The following ZFAT variants were observed in gnomAD, a reference collection of about 807,000 sequenced individuals.
ZFAT encodes zinc finger and AT-hook domain containing.
ZFAT carries 64 observed loss-of-function variants against 117.7 expected under a neutral mutation model. That is an observed-to-expected ratio of 0.54 (90% CI 0.44 to 0.67). The LOEUF (loss-of-function observed/expected upper bound fraction) is 0.67, where lower values mean the gene tolerates loss of function less well. Ranked by LOEUF, ZFAT falls within the 30% of genes least tolerant of loss-of-function variation. The pLI is 0.00. For missense variants in ZFAT, 1,433 were observed against 1,584.5 expected (o/e 0.90, Z 1.62); for synonymous variants, 679 against 615.0 (o/e 1.10, Z -1.54).
chr8:134,482,077 C>A (rs189095934), intron 15 of ZFAT, among the ~76,000 whole-genome samples: 3 of 152,318 alleles, frequency 2.0e-5, no homozygotes, highest in Non-Finnish European at 4.4e-5. Context: ...TGTTCCGCGC[C>A]CTCTCCCAGA....
At position 134,602,097 on chromosome 8, in the gene ZFAT, T is replaced by A. The variant is rs760675195; in HGVS notation, c.1622A>T (p.Gln541Leu). The A allele has an allele frequency of 6.2e-7, 1 of 1,612,068 alleles. No homozygotes were observed. Among genetic ancestry groups the A allele is most frequent in the Admixed American group, 1.7e-5 (1 of 59,816 alleles). The change falls in exon 6 of 16, where the codon CAG becomes CTG. Residue 541 changes from glutamine to leucine, a missense_variant. Coordinates refer to ENST00000377838, the MANE Select transcript of ZFAT (RefSeq NM_020863.4). ...LKEEACPGDT[Q>L]LEEGRKEPEA... ...CGGCTCCTTCCGGCCCTCCTCCAGC[T>A]GAGTGTCCCCAGGACAGGCCTCTTC...
upstream of ZFAT, among the ~76,000 whole-genome samples, chr8:134,713,754 T>C (rs1814130517): frequency 1.3e-5 from 2 of 152,120 alleles, 1 homozygote. Context: ...GCTCCAACAC[T>C]GTAGTCCTCG....
rs116164012 is a variant in ZFAT, at chr8:134,606,436, C to T, written c.785+2293G>A. Among the ~76,000 whole-genome samples the T allele has an allele frequency of 9.5e-3, 1,439 of 152,258 alleles. 20 individuals carry two copies. The highest frequency in any genetic ancestry group is 0.033 in the African/African-American group (1,377 of 41,546). On this transcript the variant is annotated intron_variant, in intron 5 of 15. Coordinates refer to ENST00000377838, the MANE Select transcript of ZFAT (RefSeq NM_020863.4). Reference sequence around the variant, plus strand: ...TGATTAAGTTTTAAAAAGTGACAGCCGGGCACAGTGGCTCACGCCTGTAAT... The same window carrying T: ...TGATTAAGTTTTAAAAAGTGACAGCTGGGCACAGTGGCTCACGCCTGTAAT...
chr8:134,624,195 C>A (rs1470086938), intron 3 of ZFAT, among the ~76,000 whole-genome samples: 1 of 151,870 alleles, frequency 6.6e-6, no homozygotes, highest in Non-Finnish European at 1.5e-5. Context: ...CACACACACA[C>A]ACACACACAC....
intron 1 of ZFAT, among the ~76,000 whole-genome samples, chr8:134,704,961 G>A (rs1476522359): frequency 6.7e-6 from 1 of 150,338 alleles, no homozygotes; most frequent in African/African-American, 2.4e-5. Context: ...CATTTCTTAA[G>A]AGAAGATACA....
intron 7 of ZFAT, among the ~76,000 whole-genome samples, 180 bp from the exon 8 acceptor site, chr8:134,590,535 G>T (rs974553575): frequency 7.0e-6 from 1 of 142,812 alleles, no homozygotes; most frequent in South Asian, 2.2e-4. Context: ...ACCACCACTA[G>T]CACTATCAAC....
the ZFAT span, among the ~76,000 whole-genome samples, chr8:134,752,054 T>G: frequency 6.6e-6 from 1 of 152,174 alleles, no homozygotes; most frequent in South Asian, 2.1e-4. Context: ...CTCTACCAAA[T>G]GAGGGGGTTA....
At chr8:134,672,758 C>T (rs933839093) in intron 1 of ZFAT, among the ~76,000 whole-genome samples, 14 of 152,236 alleles carry the variant, frequency 9.2e-5, no homozygotes, top group Admixed American at 4.6e-4. Flanking sequence ...GAACTGTCCA[C>T]CTAAAATTCC....
intron 1 of ZFAT, among the ~76,000 whole-genome samples, chr8:134,672,064 T>C (rs1434351970): frequency 6.6e-6 from 1 of 152,204 alleles, no homozygotes; most frequent in African/African-American, 2.4e-5. Context: ...GAAGGACCTC[T>C]TCAAGGAGAA....
chr8:134,771,568 A>G, the ZFAT span, among the ~76,000 whole-genome samples: 1 of 152,202 alleles, frequency 6.6e-6, no homozygotes, highest in African/African-American at 2.4e-5. Flanking sequence ...TTTATTGTCC[A>G]TATCACCATC....
the ZFAT span, among the ~76,000 whole-genome samples, chr8:134,758,981 A>G: frequency 1.3e-5 from 2 of 152,206 alleles, no homozygotes; most frequent in African/African-American, 4.8e-5. Context: ...TCCACAGCCC[A>G]TCACTGCCCC....
chr8:134,712,814 C>CCCCG, intron 1 of ZFAT, 31 bp downstream of exon 1: 1 of 1,232,460 alleles, frequency 8.1e-7, no homozygotes, highest in Non-Finnish European at 1.1e-6. Context: ...CACCCCCACC[C>CCCCG]CGTCTCACCC....
At chr8:134,531,282 C>T (rs184200080) in intron 12 of ZFAT, among the ~76,000 whole-genome samples, 1 of 152,316 alleles carries the variant, frequency 6.6e-6, no homozygotes, top group East Asian at 1.9e-4. Context: ...CATCTATTTC[C>T]TGGCAATCCA....
the ZFAT span, among the ~76,000 whole-genome samples, chr8:134,726,228 G>T: frequency 1.3e-5 from 2 of 152,086 alleles, no homozygotes; most frequent in Non-Finnish European, 2.9e-5. Flanking sequence ...TTGGAAGAGG[G>T]CCAAGCGGGC....
At chr8:134,497,663 G>C (rs1163742162) in intron 15 of ZFAT, among the ~76,000 whole-genome samples, 1 of 56,720 alleles carries the variant, frequency 1.8e-5, no homozygotes, top group Non-Finnish European at 3.5e-5. Context: ...AGCCTGATTT[G>C]GTAGGGTTGG....
upstream of ZFAT, among the ~76,000 whole-genome samples, chr8:134,717,994 G>T (rs1449415247): frequency 1.3e-5 from 2 of 152,088 alleles, no homozygotes; most frequent in East Asian, 3.9e-4. Context: ...CATGTCCAGT[G>T]TAATAACAAC....
At chr8:134,664,174 A>C (rs1478260224) in intron 1 of ZFAT, among the ~76,000 whole-genome samples, 24 of 134,642 alleles carry the variant, frequency 1.8e-4, no homozygotes, top group Non-Finnish European at 1.8e-4. Context: ...TCAATCCCCC[A>C]CCTCTCTGCT....
upstream of ZFAT, among the ~76,000 whole-genome samples, chr8:134,714,341 T>A (rs1179406231): frequency 1.3e-5 from 2 of 152,214 alleles, no homozygotes; most frequent in Non-Finnish European, 2.9e-5. Context: ...CCCACTTCTC[T>A]GTTTGCACAG....
rs183818220 is a variant in ZFAT at position 134,478,987 on chromosome 8, T to C, written c.3493-266A>G. Among the ~76,000 whole-genome samples the C allele has an allele frequency of 4.9e-4, 75 of 152,244 alleles. No homozygotes were observed. Among genetic ancestry groups the C allele is most frequent in the African/African-American group, 1.8e-3 (75 of 41,536 alleles). On this transcript the variant is annotated intron_variant, in intron 15 of 15. Coordinates refer to ENST00000377838, the MANE Select transcript of ZFAT (RefSeq NM_020863.4). The surrounding 1 kb of genome is among the most constrained non-coding windows in gnomAD (Gnocchi z 5.2). ...AGTTCAAACCCAGAGTCCGAGGTTG[T>C]TTCTGATGCCGAGCTGCTTCCCGGG...
Sources: allele counts gnomAD v4.1 joint callset (sites outside exome capture counted in the v4.1 genomes callset), GRCh38; gene constraint gnomAD v4.1.1; non-coding constraint Gnocchi (gnomAD v3.1); transcripts MANE v1.5; gene names NCBI Gene and HGNC (gene_info 2026-07-23, HGNC 2026-07-21).